Variants in SNTG1 observed in about 807,000 individuals in gnomAD.
SNTG1 encodes syntrophin gamma 1.
SNTG1 carries 39 observed loss-of-function variants against 74.7 expected under a neutral mutation model. That is an observed-to-expected ratio of 0.52 (90% CI 0.40 to 0.68). The LOEUF (loss-of-function observed/expected upper bound fraction) is 0.68. SNTG1 is among the 30% of genes least tolerant of loss of function. The pLI, the probability that SNTG1 is intolerant of heterozygous loss-of-function variation, is 0.00. For synonymous variants in SNTG1, 254 were observed against 217.1 expected (o/e 1.17, Z -1.49); for missense variants, 685 against 609.5 (o/e 1.12, Z -1.30).
intron 1 of SNTG1, among the ~76,000 whole-genome samples, chr8:50,165,061 A>G (rs1299500832): frequency 1.3e-5 from 2 of 152,124 alleles, no homozygotes; most frequent in Admixed American, 1.3e-4. Flanking sequence ...CCACACACAC[A>G]CACAAAAAAT....
chr8:50,300,859 T>C (rs2089614104), intron 2 of SNTG1, among the ~76,000 whole-genome samples: 1 of 152,106 alleles, frequency 6.6e-6, no homozygotes, highest in Non-Finnish European at 1.5e-5. Flanking sequence ...TCAGTTGACG[T>C]TTTTATTTTC....
chr8:50,384,894 C>T (rs1388075865), intron 2 of SNTG1, among the ~76,000 whole-genome samples: 1 of 152,074 alleles, frequency 6.6e-6, no homozygotes, highest in East Asian at 1.9e-4. Flanking sequence ...ATGGCTTGGT[C>T]TATTGGATGA....
intron 2 of SNTG1, among the ~76,000 whole-genome samples, chr8:50,193,373 G>A (rs976765681): frequency 3.3e-5 from 5 of 151,704 alleles, no homozygotes; most frequent in African/African-American, 9.7e-5. Flanking sequence ...GGCTCCTTAG[G>A]TATATTCCCA....
At chr8:50,639,355 A>G (rs1000585144) in intron 13 of SNTG1, among the ~76,000 whole-genome samples, 3 of 151,964 alleles carry the variant, frequency 2.0e-5, no homozygotes, top group Admixed American at 2.0e-4. Flanking sequence ...ATCCCTTCAT[A>G]TGCTTCTTAT....
chr8:50,254,710 G>A (rs935215976), intron 2 of SNTG1, among the ~76,000 whole-genome samples: 1 of 152,048 alleles, frequency 6.6e-6, no homozygotes, highest in East Asian at 1.9e-4. Flanking sequence ...GCCGGGCGTG[G>A]TGATGCGTGC....
intron 2 of SNTG1, among the ~76,000 whole-genome samples, chr8:50,282,937 T>C (rs2088559672): frequency 1.3e-5 from 2 of 152,182 alleles, no homozygotes; most frequent in South Asian, 4.1e-4. Flanking sequence ...CAAATAACCA[T>C]ATTGCCATGA....
chr8:50,300,561 T>C (rs2089600798), intron 2 of SNTG1, among the ~76,000 whole-genome samples: 1 of 152,120 alleles, frequency 6.6e-6, no homozygotes, highest in Non-Finnish European at 1.5e-5. Flanking sequence ...AGTTTGAAAT[T>C]TCTTCTTTTA....
chr8:50,680,578 G>C (rs2095327014), intron 15 of SNTG1, among the ~76,000 whole-genome samples: 1 of 152,086 alleles, frequency 6.6e-6, no homozygotes, highest in African/African-American at 2.4e-5. Context: ...AAATGTATGA[G>C]AGCAAAGTGC....
At chr8:50,251,094 G>C (rs2086627792) in intron 2 of SNTG1, among the ~76,000 whole-genome samples, 1 of 151,706 alleles carries the variant, frequency 6.6e-6, no homozygotes, top group Non-Finnish European at 1.5e-5. Flanking sequence ...AAGGGAGAGG[G>C]AAAAAAAGTC....
In SNTG1 at chr8:50,698,668, CAGCTTGCAAAGAGCTAGGATCA is replaced by C. The variant is rs1235915434; in HGVS notation, c.1039-5929_1039-5908del. On this transcript the variant is annotated intron_variant, in intron 15 of 18. Transcript: ENST00000642720. ...TGCTGCTAGTTTTCAGGACTGTGCACAGCTTGCAAAGAGCTAGGATCAAGAATGGTGTTCTGTTGTAGGTTCC... is the reference window on the plus strand; with the variant it reads ...TGCTGCTAGTTTTCAGGACTGTGCACAGAATGGTGTTCTGTTGTAGGTTCC... Among the ~76,000 whole-genome samples, 19 of 152,284 alleles carry C rather than the reference CAGCTTGCAAAGAGCTAGGATCA, an allele frequency of 1.2e-4. No homozygotes were observed. The South Asian group carries it at 3.9e-3, about 32-fold the overall frequency.
At chr8:50,394,610 G>T (rs571416948) in intron 3 of SNTG1, among the ~76,000 whole-genome samples, 1 of 152,190 alleles carries the variant, frequency 6.6e-6, no homozygotes, top group East Asian at 1.9e-4. Flanking sequence ...GTTCCTTTCA[G>T]CCCTAAAATT....
At position 50,203,115 on chromosome 8, in the gene SNTG1, T is replaced by C. The variant is rs77969912; in HGVS notation, c.-28+30480T>C. Among the ~76,000 whole-genome samples, 74 of 152,274 alleles carry C rather than the reference T, an allele frequency of 4.9e-4. 1 individual carries two copies. In the East Asian group the frequency reaches 0.014, roughly 29 times the overall value. ...ATATTTTTTGCTTTTTCCATTTCAGTTGGGAAGTTCCTGTTAACATGCCTT... is the reference window on the plus strand; with the variant it reads ...ATATTTTTTGCTTTTTCCATTTCAGCTGGGAAGTTCCTGTTAACATGCCTT... On this transcript the variant is annotated intron_variant, in intron 2 of 18. Transcript: ENST00000642720.
At chr8:49,918,555 A>C (rs1806246614) in intron 1 of SNTG1, among the ~76,000 whole-genome samples, 2 of 152,182 alleles carry the variant, frequency 1.3e-5, no homozygotes, top group African/African-American at 4.8e-5. Context: ...ACATTTCATC[A>C]GCAAATTATA....
intron 2 of SNTG1, among the ~76,000 whole-genome samples, chr8:50,218,312 C>T (rs1387459638): frequency 2.6e-5 from 4 of 151,018 alleles, no homozygotes; most frequent in African/African-American, 4.9e-5. Context: ...TCCAACAACT[C>T]CTCAATCATT....
At chr8:50,576,785 A>G (rs182564326) in intron 12 of SNTG1, among the ~76,000 whole-genome samples, 126 of 152,124 alleles carry the variant, frequency 8.3e-4, no homozygotes, top group Non-Finnish European at 1.7e-3. Context: ...ATAGAAATGC[A>G]ATTTATTTTG....
chr8:50,486,833 C>T (rs1057489031), intron 8 of SNTG1, among the ~76,000 whole-genome samples: 13 of 152,068 alleles, frequency 8.5e-5, no homozygotes, highest in African/African-American at 2.9e-4. Context: ...CCATCAATAC[C>T]TAATTTATTG....
intron 12 of SNTG1, among the ~76,000 whole-genome samples, chr8:50,556,720 G>A (rs1490073304): frequency 6.6e-6 from 1 of 152,158 alleles, no homozygotes; most frequent in African/African-American, 2.4e-5. Context: ...ACTTTGATGG[G>A]TAGGTTAGTA....
chr8:50,794,321 T>A lies in SNTG1; in HGVS notation c.*1492T>A, dbSNP rs1457251074. ...AATTTAAAAAATTAATATCAAGTTG[T>A]TTTTATACTCATGATTCATTAATTT... On this transcript the variant is annotated 3_prime_UTR_variant, in exon 19 of 19. Coordinates refer to ENST00000642720, the MANE Select transcript of SNTG1 (RefSeq NM_018967.5). The A allele has an allele frequency of 1.3e-5, 2 of 151,894 alleles. No homozygotes were observed. Among genetic ancestry groups the A allele is most frequent in the Non-Finnish European group, 2.9e-5 (2 of 67,924 alleles). The allele number at this position is 151,894 out of a possible 1,614,324, so 9.4% of individuals were successfully genotyped here. A position where few individuals can be genotyped will look rare whatever the true frequency, so the allele number is the denominator to read the frequency against.
intron 1 of SNTG1, among the ~76,000 whole-genome samples, chr8:49,959,859 C>T (rs1810522134): frequency 6.6e-6 from 1 of 152,156 alleles, no homozygotes; most frequent in African/African-American, 2.4e-5. Context: ...ACTTGCTTAT[C>T]CATGAATGTT....
Sources: gnomAD v4.1 joint callset for allele counts (sites outside exome capture counted in the v4.1 genomes callset) on GRCh38, gnomAD v4.1.1 for gene constraint, MANE v1.5 for transcripts, NCBI Gene and HGNC (gene_info 2026-07-23, HGNC 2026-07-21) for gene names.